Variants in FRMD5 observed in about 807,000 individuals in gnomAD.
The protein encoded by FRMD5 is FERM domain-containing protein 5.
Under a neutral mutation model 69.0 loss-of-function variants are expected in FRMD5, and 20 were observed. That is an observed-to-expected ratio of 0.29 (90% CI 0.20 to 0.42). The LOEUF (loss-of-function observed/expected upper bound fraction) is 0.42, where lower values mean the gene tolerates loss of function less well. Ranked by LOEUF, FRMD5 falls within the 10% of genes least tolerant of loss-of-function variation. FRMD5 has a pLI of 1.00. For missense variants in FRMD5, 595 were observed against 708.6 expected (o/e 0.84, Z 1.82); for synonymous variants, 271 against 260.1 (o/e 1.04, Z -0.40).
At chr15:43,898,741 A>T (rs370023625) in intron 7 of FRMD5, among the ~76,000 whole-genome samples, 2 of 152,202 alleles carry the variant, frequency 1.3e-5, no homozygotes, top group East Asian at 3.9e-4. Flanking sequence ...CTCCTCCAGC[A>T]GCTGTAGGCT....
chr15:44,154,255 T>C (rs1566974351), intron 1 of FRMD5, among the ~76,000 whole-genome samples: 1 of 151,886 alleles, frequency 6.6e-6, no homozygotes, highest in South Asian at 2.1e-4. Flanking sequence ...CCTGGGGAGG[T>C]TGAGGCTGCA....
intron 1 of FRMD5, among the ~76,000 whole-genome samples, chr15:44,073,999 G>C (rs1893649862): frequency 6.6e-6 from 1 of 151,986 alleles, no homozygotes; most frequent in Non-Finnish European, 1.5e-5. Flanking sequence ...TCTTAAAAAG[G>C]AGCCAAGAAC....
chr15:44,166,681 G>A (rs1412560288), intron 1 of FRMD5, among the ~76,000 whole-genome samples: 4 of 151,504 alleles, frequency 2.6e-5, no homozygotes, highest in African/African-American at 9.7e-5. Context: ...CTACTCGGGA[G>A]GCTGAGGCAG....
At chr15:43,957,997 C>T (rs2140530188) in intron 1 of FRMD5, among the ~76,000 whole-genome samples, 1 of 152,298 alleles carries the variant, frequency 6.6e-6, no homozygotes, top group East Asian at 1.9e-4. Context: ...TGCAAATGAA[C>T]AACCTGAGGC....
chr15:44,146,326 G>T (rs2077355062), intron 1 of FRMD5, among the ~76,000 whole-genome samples: 1 of 152,138 alleles, frequency 6.6e-6, no homozygotes, highest in South Asian at 2.1e-4. Context: ...CAAAGGACAT[G>T]ATCTCATTCC....
At chr15:44,147,693 A>G (rs1420982475) in intron 1 of FRMD5, among the ~76,000 whole-genome samples, 1 of 152,180 alleles carries the variant, frequency 6.6e-6, no homozygotes, top group Non-Finnish European at 1.5e-5. Context: ...TGCCCCACCT[A>G]GACAACAAAT....
chr15:43,896,805 A>C (rs1283476354), intron 7 of FRMD5, among the ~76,000 whole-genome samples: 1 of 152,224 alleles, frequency 6.6e-6, no homozygotes, highest in Non-Finnish European at 1.5e-5. Context: ...TTCAATTTTG[A>C]TGAATGAAGC....
intron 1 of FRMD5, among the ~76,000 whole-genome samples, chr15:44,165,171 C>T (rs776492765): frequency 4.6e-5 from 7 of 152,330 alleles, no homozygotes; most frequent in Non-Finnish European, 8.8e-5. Context: ...GTAATTCCAG[C>T]ACTTTGGGAG....
Position 44,195,205 on chromosome 15 carries a change from C to G in FRMD5, c.-151G>C. ...TTGCCTCCTGCTGGCCTCGTTCCTC[C>G]TCCTTATCCTCCTCCTTCCCTCAGC... On this transcript the variant is annotated 5_prime_UTR_variant, in exon 1 of 14. Transcript: ENST00000417257. The G allele has an allele frequency of 1.8e-6, 1 of 569,644 alleles. No individual in the cohort carries two copies. The highest frequency in any genetic ancestry group is 3.0e-6 in the Non-Finnish European group (1 of 330,550). The allele number at this position is 569,644 out of a possible 1,614,324, so 35.3% of individuals were successfully genotyped here.
At chr15:44,042,546 T>C (rs1047825997) in intron 1 of FRMD5, among the ~76,000 whole-genome samples, 4 of 152,154 alleles carry the variant, frequency 2.6e-5, no homozygotes, top group African/African-American at 7.2e-5. Context: ...ACTGGCAAAC[T>C]GAATCCAGCA....
intron 1 of FRMD5, among the ~76,000 whole-genome samples, chr15:44,001,995 C>T (rs1441810691): frequency 2.0e-5 from 3 of 152,112 alleles, no homozygotes; most frequent in African/African-American, 7.2e-5. Context: ...TGCGAGCCAC[C>T]GCACCCAGTT....
At chr15:43,937,769 T>TGGG (rs964983667) in intron 1 of FRMD5, among the ~76,000 whole-genome samples, 2 of 151,672 alleles carry the variant, frequency 1.3e-5, no homozygotes, top group Non-Finnish European at 2.9e-5. Context: ...GGTTGGACCA[T>TGGG]GGGGAGATCT....
chr15:44,183,227 G>A (rs970062827), intron 1 of FRMD5, among the ~76,000 whole-genome samples: 1 of 151,214 alleles, frequency 6.6e-6, no homozygotes, highest in African/African-American at 2.5e-5. Flanking sequence ...GCATACAGAA[G>A]ATGAGACAAG....
chr15:44,049,237 G>C (rs1381880482), intron 1 of FRMD5, among the ~76,000 whole-genome samples: 1 of 152,184 alleles, frequency 6.6e-6, no homozygotes, highest in East Asian at 1.9e-4. Context: ...AACCAGAGTT[G>C]TTAAGAAGTA....
intron 1 of FRMD5, among the ~76,000 whole-genome samples, chr15:44,014,068 C>T (rs1890847150): frequency 6.6e-6 from 1 of 152,020 alleles, no homozygotes; most frequent in South Asian, 2.1e-4. Flanking sequence ...GTGTGTTAGC[C>T]AGGCTGATCT....
At chr15:43,917,842 A>T (rs922529830) in intron 4 of FRMD5, 1 of 152,280 alleles carries the variant, frequency 6.6e-6, no homozygotes, top group Admixed American at 6.5e-5. Flanking sequence ...AGTAAGAGAC[A>T]TGAGATTTGG....
At chr15:44,059,679 T>G (rs1197484504) in intron 1 of FRMD5, among the ~76,000 whole-genome samples, 1 of 149,192 alleles carries the variant, frequency 6.7e-6, no homozygotes, top group Non-Finnish European at 1.5e-5. Flanking sequence ...GCCCAGCTAA[T>G]TTTTTTTTTG....
At chr15:44,040,994 A>G (rs1892163536) in intron 1 of FRMD5, among the ~76,000 whole-genome samples, 1 of 16,260 alleles carries the variant, frequency 6.2e-5, no homozygotes. Context: ...ATGGAAAGCA[A>G]AAAAAAAAAA....
At chr15:44,095,080 T>A (rs1192811102) in intron 1 of FRMD5, among the ~76,000 whole-genome samples, 1 of 151,824 alleles carries the variant, frequency 6.6e-6, no homozygotes, top group Non-Finnish European at 1.5e-5. Flanking sequence ...AGCATAAGAC[T>A]CATCTAGAGC....
Sources: allele counts gnomAD v4.1 joint callset (sites outside exome capture counted in the v4.1 genomes callset), GRCh38; gene constraint gnomAD v4.1.1; transcripts MANE v1.5; gene names NCBI Gene and HGNC (gene_info 2026-07-23, HGNC 2026-07-21).